The following SLC14A2 variants were observed in gnomAD, a reference collection of about 807,000 sequenced individuals.
The protein encoded by SLC14A2 is urea transporter 2.
In SLC14A2, 91 loss-of-function variants were observed where a neutral mutation model predicts 104.6. The ratio of observed to expected loss-of-function variants is 0.87; its 90% CI spans 0.73 to 1.04. The LOEUF is 1.04. SLC14A2 is among the 50% of genes least tolerant of loss of function. SLC14A2 has a pLI of 0.00. For missense variants in SLC14A2, 1,189 were observed against 1,156.0 expected, an observed-to-expected ratio of 1.03 and a Z score of -0.41; for synonymous variants, 476 against 466.4, an observed-to-expected ratio of 1.02 and a Z score of -0.27.
chr18:45,278,998 G>C (rs2084733477), intron 1 of SLC14A2, among the ~76,000 whole-genome samples: 1 of 152,146 alleles, frequency 6.6e-6, no homozygotes, highest in African/African-American at 2.4e-5. Flanking sequence ...ACAAGTACGA[G>C]AGAGATAATA....
At chr18:45,310,006 G>C (rs2085062739) in intron 1 of SLC14A2, among the ~76,000 whole-genome samples, 1 of 151,306 alleles carries the variant, frequency 6.6e-6, no homozygotes. Context: ...TCAACAGATT[G>C]GTTTTGAGAT....
Position 45,639,812 on chromosome 18 carries a change from G to A in SLC14A2, c.910G>A (p.Val304Met), listed in dbSNP as rs113938461. 842 of 1,613,948 alleles carry A rather than the reference G, an allele frequency of 5.2e-4. 1 individual carries two copies. The highest frequency in any genetic ancestry group is 4.6e-3 in the African/African-American group (348 of 75,016). The change falls in exon 7 of 20, where the codon GTG (valine) becomes ATG (methionine). Residue 304 changes from valine to methionine, a missense_variant. Physicochemically the swap from Val to Met is conservative, Grantham distance 21. Coordinates refer to ENST00000255226, the MANE Select transcript of SLC14A2 (RefSeq NM_007163.4). Reference protein sequence around the residue: ...YGCDNPWTGGVFLVALFISSP... With the variant: ...YGCDNPWTGGMFLVALFISSP... The stretch of plus-strand genomic sequence containing the variant: ...CTGTGACAATCCCTGGACAGGCGGC[G>A]TGTTCCTGGTGGCTCTGTTCATCTC...
At chr18:45,586,498 T>G (rs2044568696) in intron 2 of SLC14A2, among the ~76,000 whole-genome samples, 1 of 152,184 alleles carries the variant, frequency 6.6e-6, no homozygotes, top group South Asian at 2.1e-4. Context: ...ATGATTTGAC[T>G]TAGGTTTGCA....
intron 17 of SLC14A2, 121 bp from the exon 18 acceptor site, chr18:45,673,562 T>C (rs746961880): frequency 2.4e-5 from 27 of 1,118,182 alleles, no homozygotes; most frequent in Non-Finnish European, 3.3e-5. Flanking sequence ...GAAGTCCTTT[T>C]TGTATAACTA....
intron 1 of SLC14A2, among the ~76,000 whole-genome samples, chr18:45,455,906 G>A (rs1685564886): frequency 6.6e-6 from 1 of 152,178 alleles, no homozygotes; most frequent in Admixed American, 6.5e-5. Context: ...CTTATTGTAA[G>A]ATGGTTGTGA....
intron 1 of SLC14A2, among the ~76,000 whole-genome samples, chr18:45,469,968 C>T (rs2144664144): frequency 6.6e-6 from 1 of 152,032 alleles, no homozygotes; most frequent in South Asian, 2.1e-4. Flanking sequence ...TGTAAAAATA[C>T]AGCGAGTTGA....
chr18:45,261,714 C>T (rs1296108963), intron 1 of SLC14A2, among the ~76,000 whole-genome samples: 1 of 152,092 alleles, frequency 6.6e-6, no homozygotes, highest in Non-Finnish European at 1.5e-5. Context: ...CAATTTCATC[C>T]ATGTCCCTAC....
chr18:45,377,818 A>G (rs2085791227), intron 1 of SLC14A2, among the ~76,000 whole-genome samples: 1 of 152,142 alleles, frequency 6.6e-6, no homozygotes, highest in Admixed American at 6.5e-5. Context: ...TACTAAACTT[A>G]AAATGAACCC....
the SLC14A2 span, among the ~76,000 whole-genome samples, chr18:45,201,196 C>T: frequency 6.6e-6 from 1 of 151,946 alleles, no homozygotes; most frequent in Admixed American, 6.6e-5. Flanking sequence ...AAGGTGATAT[C>T]ATTTGTGATG....
chr18:45,364,661 T>C (rs2085648754), intron 1 of SLC14A2, among the ~76,000 whole-genome samples: 1 of 152,204 alleles, frequency 6.6e-6, no homozygotes, highest in South Asian at 2.1e-4. Context: ...TATGTCATTA[T>C]AAAGAAAAAC....
intron 1 of SLC14A2, among the ~76,000 whole-genome samples, chr18:45,322,813 C>CT (rs966670256): frequency 1.3e-5 from 2 of 151,972 alleles, no homozygotes; most frequent in African/African-American, 2.4e-5. Flanking sequence ...CAGCCCAGCA[C>CT]TTTTTTTTCA....
chr18:45,199,320 C>G, the SLC14A2 span, among the ~76,000 whole-genome samples: 1 of 152,048 alleles, frequency 6.6e-6, no homozygotes, highest in Non-Finnish European at 1.5e-5. Flanking sequence ...CTTTTAGACC[C>G]TCTTCCCAAT....
upstream of SLC14A2, among the ~76,000 whole-genome samples, chr18:45,208,749 G>GCAGA (rs2083935967): frequency 1.3e-5 from 2 of 152,028 alleles, no homozygotes; most frequent in Non-Finnish European, 2.9e-5. Context: ...TAGAAACAGG[G>GCAGA]CAGAGTGAGT....
intron 1 of SLC14A2, among the ~76,000 whole-genome samples, chr18:45,362,054 G>T (rs923244812): frequency 4.6e-5 from 7 of 152,144 alleles, no homozygotes; most frequent in African/African-American, 1.4e-4. Context: ...GGATTATGGG[G>T]GCAATTGCCC....
intron 1 of SLC14A2, among the ~76,000 whole-genome samples, chr18:45,219,844 A>G (rs10502860): frequency 0.25 from 37,382 of 152,104 alleles, 4,893 homozygotes; most frequent in African/African-American, 0.34. Context: ...CAATAGAATG[A>G]ATGAGTGGGC....
At chr18:45,404,089 ACT>A (rs1416095311) in intron 1 of SLC14A2, among the ~76,000 whole-genome samples, 2 of 151,390 alleles carry the variant, frequency 1.3e-5, no homozygotes, top group African/African-American at 2.4e-5. Context: ...GGGCATTAAA[ACT>A]CTATTACCTC....
intron 1 of SLC14A2, among the ~76,000 whole-genome samples, chr18:45,216,589 T>C (rs1252362629): frequency 6.6e-6 from 1 of 152,204 alleles, no homozygotes. Context: ...TCAGCACTCC[T>C]CTGTCCCCCA....
intron 2 of SLC14A2, among the ~76,000 whole-genome samples, chr18:45,498,256 T>G (rs1312342226): frequency 6.6e-6 from 1 of 152,242 alleles, no homozygotes; most frequent in Non-Finnish European, 1.5e-5. Flanking sequence ...ATTTCCCAGC[T>G]ACATACTTCC....
In SLC14A2 at chr18:45,414,757, A is replaced by AAAAAAAAATAT. The variant is rs1360051908; in HGVS notation, c.-124-68475_-124-68474insAAAAAAATATA. On this transcript the variant is annotated intron_variant, in intron 1 of 20. Coordinates refer to the SLC14A2 transcript ENST00000586448. ...AGGCACCGAGCGTAAAAAAAAAAAA[A>AAAAAAAAATAT]ATATATATATATATATATATATATA... Among the ~76,000 whole-genome samples the AAAAAAAAATAT allele has an allele frequency of 7.9e-5, 6 of 76,110 alleles. No homozygotes were observed. The East Asian group carries it at 1.1e-3, about 14-fold the overall frequency. 49.9% of individuals were successfully genotyped at this position (76,110 alleles called of 152,430 possible). A position where few individuals can be genotyped will look rare whatever the true frequency, so the allele number is the denominator to read the frequency against.
Sources: gnomAD v4.1 joint callset for allele counts (sites outside exome capture counted in the v4.1 genomes callset) on GRCh38, gnomAD v4.1.1 for gene constraint, MANE v1.5 for transcripts, NCBI Gene and HGNC (gene_info 2026-07-23, HGNC 2026-07-21) for gene names.